Variants in DNASE1 observed in about 807,000 individuals in gnomAD.
The protein encoded by DNASE1 is deoxyribonuclease-1.
Under a neutral mutation model 33.9 loss-of-function variants are expected in DNASE1, and 40 were observed. The ratio of observed to expected loss-of-function variants is 1.18; its 90% CI spans 0.92 to 1.54. The LOEUF (loss-of-function observed/expected upper bound fraction) is 1.54, where lower values mean the gene tolerates loss of function less well. Among genes scored for constraint, DNASE1 ranks in the 40% most tolerant of loss-of-function variants. DNASE1 has a pLI of 0.00. For missense variants in DNASE1, 518 were observed against 372.6 expected (o/e 1.39, Z -3.21); for synonymous variants, 216 against 160.0 (o/e 1.35, Z -2.64).
Position 3,655,944 on chromosome 16 carries a change from G to T in DNASE1, c.236+7G>T. ...TGCTGGACAACCTCAATCAGTGGGT[G>T]ACAGTGGCAGGGTCATAGGAAGGTG... On this transcript the variant is annotated splice_region_variant and intron_variant, in intron 3 of 8. Transcript: ENST00000246949. 5 of 1,613,680 alleles carry T rather than the reference G, an allele frequency of 3.1e-6. No homozygotes were observed. The South Asian group carries it at 4.4e-5, about 14-fold the overall frequency.
exon 10 of DNASE1, chr16:3,663,351 C>T: frequency 1.3e-6 from 2 of 1,584,764 alleles, no homozygotes; most frequent in South Asian, 1.1e-5. Flanking sequence ...CAAAGGAAGC[C>T]CTCGCTGCGG....
chr16:3,641,213 G>A, upstream of DNASE1: 1 of 363,066 alleles, frequency 2.8e-6, no homozygotes, highest in East Asian at 4.0e-5. Context: ...CACAGGGGAG[G>A]AGCTTAGGAA....
intron 1 of DNASE1, among the ~76,000 whole-genome samples, chr16:3,622,834 C>T (rs1299340371): frequency 6.6e-6 from 1 of 152,130 alleles, no homozygotes; most frequent in Non-Finnish European, 1.5e-5. Flanking sequence ...TATGCACATA[C>T]CTTCTTCCAG....
downstream of DNASE1, chr16:3,658,102 GTGTCAGTCCTTCTGGCCCCCTGGC>G: frequency 6.2e-7 from 1 of 1,611,076 alleles, no homozygotes; most frequent in Non-Finnish European, 8.5e-7. Context: ...GTCATCTGTG[GTGTCAGTCCTTCTGGCCCCCTGGC>G]TGTCAGTGTC....
chr16:3,622,659 C>G (rs2041364388), intron 1 of DNASE1, among the ~76,000 whole-genome samples: 1 of 151,980 alleles, frequency 6.6e-6, no homozygotes, highest in Non-Finnish European at 1.5e-5. Flanking sequence ...ACCATGTTGC[C>G]CAGGCTAGAC....
intron 1 of DNASE1, among the ~76,000 whole-genome samples, chr16:3,629,522 A>T (rs1233450819): frequency 6.6e-6 from 1 of 152,168 alleles, no homozygotes; most frequent in East Asian, 1.9e-4. Flanking sequence ...ATTGTGCATA[A>T]GGGATATTAG....
chr16:3,649,649 A>G (rs193121646), intron 1 of DNASE1, among the ~76,000 whole-genome samples: 16 of 152,342 alleles, frequency 1.1e-4, no homozygotes, highest in African/African-American at 3.8e-4. Context: ...AGTTGAGAGC[A>G]CTCTTGATTA....
chr16:3,663,160 T>C, exon 10 of DNASE1: 1 of 658,480 alleles, frequency 1.5e-6, no homozygotes, highest in Non-Finnish European at 2.6e-6. Flanking sequence ...TACAACTTGG[T>C]TAGGGCTTTA....
chr16:3,634,188 G>A (rs553407371), intron 1 of DNASE1, among the ~76,000 whole-genome samples: 7 of 151,724 alleles, frequency 4.6e-5, no homozygotes, highest in Non-Finnish European at 1.0e-4. Context: ...ACATTGTTGC[G>A]GGTTTGTTTT....
At chr16:3,613,806 C>CG in intron 1 of DNASE1, among the ~76,000 whole-genome samples, 1 of 151,636 alleles carries the variant, frequency 6.6e-6, no homozygotes, top group Non-Finnish European at 1.5e-5. Flanking sequence ...CAGGCTGGAG[C>CG]GCAGTGGTGT....
chr16:3,655,971 C>T (rs776793170), intron 3 of DNASE1, 34 bp downstream of exon 3: 2 of 1,613,242 alleles, frequency 1.2e-6, no homozygotes, highest in East Asian at 2.2e-5. Flanking sequence ...AGGAAGGTGA[C>T]ATCTCGTCCA....
downstream of DNASE1, chr16:3,661,891 C>T (rs1033402509): frequency 4.6e-5 from 66 of 1,436,750 alleles, no homozygotes; most frequent in Non-Finnish European, 5.5e-5. Flanking sequence ...AGGCCTCACG[C>T]ACTTTTCTTC....
downstream of DNASE1, chr16:3,661,971 A>G (rs767560176): frequency 1.9e-6 from 3 of 1,589,120 alleles, no homozygotes; most frequent in South Asian, 1.1e-5. Context: ...TGGAAGAGCC[A>G]GGAGCGTGGC....
At chr16:3,624,193 C>T (rs997931428) in intron 1 of DNASE1, among the ~76,000 whole-genome samples, 3 of 150,920 alleles carry the variant, frequency 2.0e-5, no homozygotes, top group Non-Finnish European at 2.9e-5. Flanking sequence ...CGCTTGAACC[C>T]GGGAGGCAGA....
chr16:3,657,996 C>T lies in DNASE1; in HGVS notation c.*43C>T. The T allele has an allele frequency of 1.2e-6, 2 of 1,611,808 alleles. No individual in the cohort carries two copies. Among genetic ancestry groups the T allele is most frequent in the East Asian group, 4.5e-5 (2 of 44,830 alleles). On this transcript the variant is annotated 3_prime_UTR_variant, in exon 9 of 9. Transcript: ENST00000246949. ...CAGTTGAACTGCAGGAAGAGAGGAC[C>T]CATCCTGCCACAGGACCCAGAAAAA...
chr16:3,663,036 C>A (rs536290795), downstream of DNASE1: 2 of 1,274,952 alleles, frequency 1.6e-6, no homozygotes, highest in South Asian at 2.7e-5. Flanking sequence ...GGGGGCCACG[C>A]AGCATGCTTC....
At chr16:3,658,311 G>T, downstream of DNASE1, 1 of 1,169,114 alleles carries the variant, frequency 8.6e-7, no homozygotes. Context: ...GAGTCTCACT[G>T]TTGCCGAGGC....
chr16:3,662,200 C>G, downstream of DNASE1: 4 of 1,558,864 alleles, frequency 2.6e-6, no homozygotes, highest in Non-Finnish European at 3.5e-6. Flanking sequence ...AGGATCTTAC[C>G]AGGGGTGAAG....
At chr16:3,664,224 C>A in exon 10 of DNASE1, 1 of 1,484,158 alleles carries the variant, frequency 6.7e-7, no homozygotes, top group African/African-American at 1.4e-5. Context: ...AGGTCAAGAC[C>A]CTCCCCAGGT....
Sources: allele counts gnomAD v4.1 joint callset (sites outside exome capture counted in the v4.1 genomes callset), GRCh38; gene constraint gnomAD v4.1.1; transcripts MANE v1.5; gene names NCBI Gene and HGNC (gene_info 2026-07-23, HGNC 2026-07-21).